UBE3A: variants seen among roughly 807,000 people sequenced by gnomAD.
UBE3A encodes the protein ubiquitin protein ligase E3A.
Under a neutral mutation model 83.4 loss-of-function variants are expected in UBE3A, and 6 were observed. The observed-to-expected ratio is 0.07, with a 90% CI of 0.04 to 0.14. The LOEUF (loss-of-function observed/expected upper bound fraction) is 0.14, where lower values mean the gene tolerates loss of function less well. UBE3A is among the 10% of genes least tolerant of loss of function. UBE3A has a pLI of 1.00. For missense variants in UBE3A, 456 were observed against 1,036.1 expected (o/e 0.44, Z 7.69); for synonymous variants, 337 against 355.4 (o/e 0.95, Z 0.58).
intron 4 of UBE3A, among the ~76,000 whole-genome samples, chr15:25,397,097 C>T (rs1325440257): frequency 4.6e-5 from 7 of 152,178 alleles, no homozygotes; most frequent in Non-Finnish European, 1.0e-4. Context: ...CCTGGACCCA[C>T]TCACCTCACT....
rs1318591872 is a variant in UBE3A at position 25,356,024 on chromosome 15, C to T, written c.1992G>A (p.Glu664=). The T allele has an allele frequency of 6.2e-7, 1 of 1,613,806 alleles. No homozygotes were observed. Among genetic ancestry groups the T allele is most frequent in the South Asian group, 1.1e-5 (1 of 91,074 alleles). The change falls in exon 9 of 13, where the codon GAG becomes GAA. Residue 664 remains glutamate, a synonymous_variant. Coordinates refer to ENST00000648336, the MANE Select transcript of UBE3A (RefSeq NM_130839.5). ...VLYQSLKDLL[E]YEGNVEDDMM... is the part of the protein sequence containing the mutation. The stretch of plus-strand genomic sequence containing the variant: ...TGTCATCTTCCACATTCCCTTCATA[C>T]TCCAATAAATCTTTTAAACTCTGAT...
intron 4 of UBE3A, among the ~76,000 whole-genome samples, chr15:25,392,767 A>G (rs904647411): frequency 6.6e-6 from 1 of 152,168 alleles, no homozygotes; most frequent in African/African-American, 2.4e-5. Context: ...ACATGATATT[A>G]TAAGACAATT....
Position 25,375,358 on chromosome 15 carries a change from CA to C in UBE3A, c.361+106del, listed in dbSNP as rs2081038080. ...CAATAAAAAATTGGTTCTACGATATCAAAATGTCTTTATGTCACAGAAGAAA... is the reference window on the plus strand; with the variant it reads ...CAATAAAAAATTGGTTCTACGATATCAAATGTCTTTATGTCACAGAAGAAA... On this transcript the variant is annotated intron_variant, in intron 5 of 12. Transcript: ENST00000648336. 2.9e-6 allele frequency: 4 copies of C among 1,378,630 alleles called. No individual in the cohort carries two copies. In the Admixed American group the frequency reaches 7.0e-5, roughly 24 times the overall value. 85.4% of individuals were successfully genotyped at this position (1,378,630 alleles called of 1,614,324 possible).
chr15:25,355,800 G>A, intron 9 of UBE3A, 92 bp downstream of exon 9: 1 of 1,218,886 alleles, frequency 8.2e-7, no homozygotes, highest in Admixed American at 2.1e-5. Flanking sequence ...TTTTTGTACA[G>A]ACTATATTAG....
intron 12 of UBE3A, chr15:25,339,602 G>A (rs1719368420): frequency 3.7e-6 from 1 of 272,076 alleles, no homozygotes; most frequent in Non-Finnish European, 7.1e-6. Flanking sequence ...TTAGGTCACT[G>A]AGAAGTCAAG....
chr15:25,408,308 C>G, intron 3 of UBE3A: 1 of 408,812 alleles, frequency 2.4e-6, no homozygotes, highest in Non-Finnish European at 4.5e-6. Flanking sequence ...TATTCTTTTA[C>G]TGCCAAGTTG....
intron 11 of UBE3A, chr15:25,346,942 T>C (rs2075776205): frequency 6.6e-6 from 1 of 151,968 alleles, no homozygotes; most frequent in Admixed American, 6.5e-5. Context: ...TGGTTGAAAA[T>C]TTTCCATGTT....
chr15:25,353,649 G>A (rs1026892077), intron 11 of UBE3A, among the ~76,000 whole-genome samples: 2 of 152,184 alleles, frequency 1.3e-5, no homozygotes, highest in Non-Finnish European at 2.9e-5. Context: ...TTGAGTCTTA[G>A]AGCAATAGCC....
At chr15:25,351,016 C>A (rs2152636759) in intron 11 of UBE3A, among the ~76,000 whole-genome samples, 1 of 152,208 alleles carries the variant, frequency 6.6e-6, no homozygotes, top group Admixed American at 6.5e-5. Context: ...AAAAACTAAC[C>A]CAATTAAGCC....
At position 25,338,910 on chromosome 15, in the gene UBE3A, G is replaced by A. The variant is rs2074248999; in HGVS notation, c.*227C>T. 3.9e-6 allele frequency: 1 copy of A among 254,538 alleles called. No individual in the cohort carries two copies. Among genetic ancestry groups the A allele is most frequent in the African/African-American group, 2.2e-5 (1 of 44,452 alleles). The allele number at this position is 254,538 out of a possible 1,614,324, so 15.8% of individuals were successfully genotyped here. On this transcript the variant is annotated 3_prime_UTR_variant, in exon 13 of 13. Transcript: ENST00000648336. ...AAAAAATAATTATAATAATAATAAA[G>A]GATTTGTTCATATATGTAGCTGAAA...
intron 11 of UBE3A, chr15:25,346,813 C>G (rs2075757957): frequency 6.6e-6 from 1 of 152,076 alleles, no homozygotes; most frequent in Non-Finnish European, 1.5e-5. Flanking sequence ...AGAAAATAGA[C>G]TGAAAAATGA....
intron 6 of UBE3A, among the ~76,000 whole-genome samples, chr15:25,364,415 C>T (rs1054708733): frequency 3.9e-5 from 6 of 152,074 alleles, no homozygotes; most frequent in African/African-American, 1.4e-4. Context: ...AACAAATAAA[C>T]TGTAAAGGTG....
intron 1 of UBE3A, among the ~76,000 whole-genome samples, chr15:25,434,024 T>C (rs1473879761): frequency 6.6e-6 from 1 of 152,182 alleles, no homozygotes; most frequent in African/African-American, 2.4e-5. Context: ...ACAGCACCAC[T>C]GCACTCCAAC....
In UBE3A at chr15:25,338,228, TAAAC is replaced by T. The variant is rs755668782; in HGVS notation, c.*905_*908del. 1.4e-4 allele frequency: 22 copies of T among 152,254 alleles called. No homozygotes were observed. The highest frequency in any genetic ancestry group is 5.8e-4 in the East Asian group (3 of 5,186). 9.4% of individuals were successfully genotyped at this position (152,254 alleles called of 1,614,324 possible). A position where few individuals can be genotyped will look rare whatever the true frequency, so the allele number is the denominator to read the frequency against. On this transcript the variant is annotated 3_prime_UTR_variant, in exon 13 of 13. Transcript: ENST00000648336. Reference sequence around the variant, plus strand: ...ACTTTCACATGCTTTTTGTTTATAATAAACAAACAACAAACTTCCTAACTTTGTT... The same window carrying T: ...ACTTTCACATGCTTTTTGTTTATAATAAACAACAAACTTCCTAACTTTGTT...
chr15:25,404,173 A>C (rs1180542054), intron 4 of UBE3A, among the ~76,000 whole-genome samples: 1 of 152,240 alleles, frequency 6.6e-6, no homozygotes, highest in African/African-American at 2.4e-5. Context: ...AATACATTTT[A>C]TAGTCGTTTC....
intron 6 of UBE3A, among the ~76,000 whole-genome samples, chr15:25,364,641 G>GTTTTTTTTTTTT (rs1260418313): frequency 1.1e-3 from 144 of 132,474 alleles, no homozygotes; most frequent in African/African-American, 4.2e-3. Context: ...GGTTTTTTTT[G>GTTTTTTTTTTTT]TTTGTTTTTT....
intron 11 of UBE3A, among the ~76,000 whole-genome samples, chr15:25,353,373 G>C (rs774968000): frequency 6.6e-6 from 1 of 152,164 alleles, no homozygotes; most frequent in Non-Finnish European, 1.5e-5. Flanking sequence ...GACAGGGATT[G>C]GTTCCAGGAC....
Position 25,371,307 on chromosome 15 carries a change from C to T in UBE3A, c.867G>A (p.Glu289=). The T allele has an allele frequency of 1.2e-6, 2 of 1,614,126 alleles. No homozygotes were observed. Among genetic ancestry groups the T allele is most frequent in the Non-Finnish European group, 1.7e-6 (2 of 1,180,008 alleles). The change falls in exon 6 of 13, where the codon GAG becomes GAA. Residue 289 remains glutamate (E), a synonymous_variant. Coordinates refer to ENST00000648336, the MANE Select transcript of UBE3A (RefSeq NM_130839.5). This position sits in a 1 kb window ranked among gnomAD's most constrained non-coding sequence, Gnocchi z 5.3. ...ATTCAGGACTGTGGAGATTTCTATTCTCCATTACGATAATGAACAAATTCA... is the reference window on the plus strand; with the variant it reads ...ATTCAGGACTGTGGAGATTTCTATTTTCCATTACGATAATGAACAAATTCA... ...NYLNLFIIVM[E]NRNLHSPEYL... is the part of the protein sequence containing the mutation.
intron 1 of UBE3A, among the ~76,000 whole-genome samples, chr15:25,431,728 T>G (rs1458508845): frequency 1.3e-5 from 2 of 152,198 alleles, no homozygotes; most frequent in Non-Finnish European, 2.9e-5. Context: ...CAATTAATCT[T>G]TGTGTGAAAC....
Sources: allele counts gnomAD v4.1 joint callset (sites outside exome capture counted in the v4.1 genomes callset), GRCh38; gene constraint gnomAD v4.1.1; non-coding constraint Gnocchi (gnomAD v3.1); transcripts MANE v1.5; gene names NCBI Gene and HGNC (gene_info 2026-07-23, HGNC 2026-07-21).